The following CENPQ variants were observed in gnomAD, a reference collection of about 807,000 sequenced individuals.
CENPQ encodes chromosome 6 open reading frame 139.
CENPQ carries 27 observed loss-of-function variants against 36.6 expected under a neutral mutation model. That is an observed-to-expected ratio of 0.74 (90% CI 0.54 to 1.02). The LOEUF is 1.02. CENPQ is among the 50% of genes least tolerant of loss of function. The probability of loss-of-function intolerance (pLI) is 0.00; values close to 1 mark genes in which losing one functional copy is unlikely to be tolerated. For synonymous variants in CENPQ, 101 were observed against 101.7 expected (o/e 0.99, Z 0.04); for missense variants, 306 against 301.8 (o/e 1.01, Z -0.10).
chr6:49,479,595 A>G (rs1768382398), intron 5 of CENPQ, among the ~76,000 whole-genome samples: 3 of 152,166 alleles, frequency 2.0e-5, no homozygotes, highest in South Asian at 4.1e-4. Context: ...TTAAAACAGA[A>G]CTACCATCCA....
rs1554163632 is a variant in CENPQ, at chr6:49,487,172, A to AAT, written c.478-1179_478-1178insTA. Among the ~76,000 whole-genome samples, 7 of 58,654 alleles carry AAT rather than the reference A, an allele frequency of 1.2e-4. 3 individuals are homozygous for AAT. The highest frequency in any genetic ancestry group is 4.5e-4 in the African/African-American group (7 of 15,524). 38.5% of individuals were successfully genotyped at this position (58,654 alleles called of 152,430 possible). ...CCATCTCAAAAAAAAAAAAAAAATAAAAAAAATAAAAACAGAGTCTGTTCC... is the reference window on the plus strand; with the variant it reads ...CCATCTCAAAAAAAAAAAAAAAATAAATAAAAAATAAAAACAGAGTCTGTTCC... On this transcript the variant is annotated intron_variant, in intron 6 of 8. Transcript: ENST00000335783.
rs779270959 is a variant in CENPQ at position 49,470,977 on chromosome 6, A to C, written c.106A>C (p.Arg36=). ...EEVVLSENKV[R]NTVKKNKNHL... is the part of the protein sequence containing the mutation. ...ATGCATGTGTTTTTCCCTCTAGGTT[A>C]GAAACACAGTGAAAAAAAATAAAAA... The change falls in exon 3 of 9, where the codon AGA becomes CGA. Residue 36 remains arginine (R), a synonymous_variant. Transcript: ENST00000335783. 2 of 1,514,324 alleles carry C rather than the reference A, an allele frequency of 1.3e-6. No individual in the cohort carries two copies. Among genetic ancestry groups the C allele is most frequent in the African/African-American group, 2.8e-5 (2 of 72,234 alleles). 93.8% of individuals were successfully genotyped at this position (1,514,324 alleles called of 1,614,324 possible). A position where few individuals can be genotyped will look rare whatever the true frequency, so the allele number is the denominator to read the frequency against.
At chr6:49,486,546 C>T (rs922276411) in intron 6 of CENPQ, among the ~76,000 whole-genome samples, 1 of 151,950 alleles carries the variant, frequency 6.6e-6, no homozygotes, top group African/African-American at 2.4e-5. Context: ...AAATGGAAGC[C>T]TTCTATGGAT....
At chr6:49,465,713 TC>T (rs1435145450) in intron 1 of CENPQ, among the ~76,000 whole-genome samples, 4 of 152,212 alleles carry the variant, frequency 2.6e-5, no homozygotes, top group African/African-American at 9.6e-5. Flanking sequence ...CTCACCTCTC[TC>T]AGCTTTCATA....
intron 6 of CENPQ, among the ~76,000 whole-genome samples, chr6:49,485,213 C>T (rs1768546522): frequency 6.6e-6 from 1 of 152,156 alleles, no homozygotes; most frequent in Non-Finnish European, 1.5e-5. Flanking sequence ...CTCACTGCAG[C>T]CTAGAGTCAT....
chr6:49,471,743 C>T (rs982164618), intron 3 of CENPQ, among the ~76,000 whole-genome samples: 1 of 152,022 alleles, frequency 6.6e-6, no homozygotes, highest in Non-Finnish European at 1.5e-5. Flanking sequence ...GTTTCCTGGT[C>T]CTCTCAATGA....
chr6:49,472,876 T>C lies in CENPQ; in HGVS notation c.347+18T>C, dbSNP rs760051829. ...AAGAAAAGGTAATACTATTGCATAA[T>C]TAAAATGATTAAAACATAATTTTTA... On this transcript the variant is annotated intron_variant, in intron 5 of 8. Transcript: ENST00000335783. The C allele has an allele frequency of 3.7e-6, 5 of 1,348,754 alleles. No homozygotes were observed. The highest frequency in any genetic ancestry group is 2.8e-5 in the Admixed American group (1 of 35,990). The allele number at this position is 1,348,754 out of a possible 1,614,324, so 83.5% of individuals were successfully genotyped here.
intron 1 of CENPQ, among the ~76,000 whole-genome samples, chr6:49,468,899 A>T (rs1176822957): frequency 6.6e-6 from 1 of 152,190 alleles, no homozygotes; most frequent in Admixed American, 6.5e-5. Flanking sequence ...CTACAAGTGA[A>T]ATTCTGTCAT....
intron 6 of CENPQ, 76 bp downstream of exon 6, chr6:49,481,156 A>G (rs1768419545): frequency 2.5e-6 from 3 of 1,223,864 alleles, no homozygotes; most frequent in Non-Finnish European, 3.4e-6. Flanking sequence ...TAAAATTATC[A>G]TGATGTTCTT....
At chr6:49,469,244 T>A (rs1322599664) in intron 1 of CENPQ, among the ~76,000 whole-genome samples, 6 of 152,256 alleles carry the variant, frequency 3.9e-5, no homozygotes, top group Non-Finnish European at 7.3e-5. Context: ...TGTATCAGTA[T>A]AATAATTCTG....
rs552925457 is a variant in CENPQ at position 49,481,418 on chromosome 6, G to C, written c.477+338G>C. Among the ~76,000 whole-genome samples the C allele has an allele frequency of 2.6e-4, 39 of 152,182 alleles. No homozygotes were observed. In the South Asian group the frequency reaches 7.7e-3, roughly 30 times the overall value. On this transcript the variant is annotated intron_variant, in intron 6 of 8. Transcript: ENST00000335783. Reference sequence around the variant, plus strand: ...GACGTGTCTGGAATTTGTTCCTCCCGGTGGGTTTCTGGTCTCACTGGCTCA... The same window carrying C: ...GACGTGTCTGGAATTTGTTCCTCCCCGTGGGTTTCTGGTCTCACTGGCTCA...
At chr6:49,482,020 G>A (rs914364618) in intron 6 of CENPQ, among the ~76,000 whole-genome samples, 27 of 152,216 alleles carry the variant, frequency 1.8e-4, no homozygotes, top group South Asian at 1.2e-3. Flanking sequence ...CCGGTGGGCC[G>A]GCACTGCTGG....
At chr6:49,471,978 T>G in intron 3 of CENPQ, 85 bp from the exon 4 acceptor site, 1 of 1,415,180 alleles carries the variant, frequency 7.1e-7, no homozygotes, top group Non-Finnish European at 9.4e-7. Flanking sequence ...TTTCATAAGC[T>G]TTTTTAGATG....
intron 6 of CENPQ, among the ~76,000 whole-genome samples, chr6:49,484,667 G>A (rs920793376): frequency 2.0e-5 from 3 of 152,112 alleles, no homozygotes; most frequent in African/African-American, 4.8e-5. Flanking sequence ...CCATAGGATT[G>A]AGAATAAAGT....
At position 49,492,152 on chromosome 6, in the gene CENPQ, T is replaced by G. The variant is rs762047279; in HGVS notation, c.684T>G (p.Ile228Met). The change falls in exon 9 of 9, where the codon ATT becomes ATG. Residue 228 changes from isoleucine (I) to methionine (M), a missense_variant. By Grantham distance (10) the Ile-to-Met change is conservative. Coordinates refer to ENST00000335783, the MANE Select transcript of CENPQ (RefSeq NM_018132.4). ...TACTATCTTTCCCACAGAAAGAAAT[T>G]TTGGCGCTAATTCCAAACCAGAATG... is the stretch of plus-strand genomic sequence containing the variant. ...TLKAPTLQKE[I>M]LALIPNQNAL... is the part of the protein sequence containing the mutation. 3.8e-6 allele frequency: 6 copies of G among 1,596,696 alleles called. No homozygotes were observed. The highest frequency in any genetic ancestry group is 1.2e-5 in the South Asian group (1 of 85,830).
chr6:49,477,958 G>T (rs1476170420), intron 5 of CENPQ, among the ~76,000 whole-genome samples: 1 of 152,146 alleles, frequency 6.6e-6, no homozygotes, highest in Non-Finnish European at 1.5e-5. Flanking sequence ...CATAATAGTT[G>T]CTGTTCATAG....
intron 5 of CENPQ, among the ~76,000 whole-genome samples, chr6:49,477,966 T>C (rs1328041859): frequency 2.6e-5 from 4 of 152,254 alleles, no homozygotes; most frequent in African/African-American, 9.6e-5. Flanking sequence ...TTGCTGTTCA[T>C]AGTGATCACC....
At chr6:49,465,939 AG>A (rs1288104852) in intron 1 of CENPQ, among the ~76,000 whole-genome samples, 1 of 152,188 alleles carries the variant, frequency 6.6e-6, no homozygotes, top group African/African-American at 2.4e-5. Flanking sequence ...TAACTGGTGT[AG>A]TTTCCAGCCT....
intron 1 of CENPQ, among the ~76,000 whole-genome samples, chr6:49,465,341 A>C (rs1767976462): frequency 6.6e-6 from 1 of 152,224 alleles, no homozygotes; most frequent in Non-Finnish European, 1.5e-5. Flanking sequence ...GATTTAAAAG[A>C]ATAAGAGCCC....
Sources: allele counts gnomAD v4.1 joint callset (sites outside exome capture counted in the v4.1 genomes callset), GRCh38; gene constraint gnomAD v4.1.1; transcripts MANE v1.5; gene names NCBI Gene and HGNC (gene_info 2026-07-23, HGNC 2026-07-21).